The following TRRAP variants were observed in gnomAD, a reference collection of about 807,000 sequenced individuals.
TRRAP encodes transformation/transcription domain associated protein.
Under a neutral mutation model 438.8 loss-of-function variants are expected in TRRAP, and 41 were observed. That is an observed-to-expected ratio of 0.09 (90% CI 0.07 to 0.12). The LOEUF (loss-of-function observed/expected upper bound fraction) is 0.12, where lower values mean the gene tolerates loss of function less well. TRRAP is among the 10% of genes least tolerant of loss of function. TRRAP has a pLI of 1.00. For synonymous variants in TRRAP, 1,994 were observed against 1,962.9 expected, an observed-to-expected ratio of 1.02 and a Z score of -0.42; for missense variants, 3,122 against 5,055.1, an observed-to-expected ratio of 0.62 and a Z score of 11.60.
chr7:98,984,438 G>C, intron 61 of TRRAP, 80 bp downstream of exon 61: 3 of 1,463,518 alleles, frequency 2.0e-6, no homozygotes, highest in Non-Finnish European at 2.7e-6. Flanking sequence ...GGGTCTCCTG[G>C]TTCAGAATAT....
At chr7:98,972,997 T>C (rs1792486352) in intron 53 of TRRAP, among the ~76,000 whole-genome samples, 1 of 152,146 alleles carries the variant, frequency 6.6e-6, no homozygotes, top group South Asian at 2.1e-4. Context: ...TTTGTTTGTG[T>C]GAGACAGGGT....
intron 49 of TRRAP, among the ~76,000 whole-genome samples, chr7:98,966,609 C>A (rs995627736): frequency 1.3e-5 from 2 of 151,918 alleles, no homozygotes; most frequent in South Asian, 2.1e-4. Context: ...CGCTTGAATC[C>A]AGGAGGCAGA....
chr7:98,912,310 T>C, intron 18 of TRRAP, 97 bp downstream of exon 18: 1 of 1,338,102 alleles, frequency 7.5e-7, no homozygotes, highest in South Asian at 1.6e-5. Flanking sequence ...GTCAGCGTTC[T>C]GGACTCAAGC....
chr7:98,879,195 C>T (rs1289042599), intron 1 of TRRAP, among the ~76,000 whole-genome samples: 2 of 152,084 alleles, frequency 1.3e-5, no homozygotes, highest in African/African-American at 2.4e-5. Context: ...GGCCCGGCGC[C>T]AGCCCGGCCT....
At chr7:98,974,136 G>A (rs1300387954) in intron 53 of TRRAP, among the ~76,000 whole-genome samples, 1 of 152,226 alleles carries the variant, frequency 6.6e-6, no homozygotes, top group Non-Finnish European at 1.5e-5. Flanking sequence ...TAATCCCTCA[G>A]GAGGCGAGAT....
chr7:98,899,174 G>A (rs528408698), intron 8 of TRRAP, among the ~76,000 whole-genome samples: 1 of 152,250 alleles, frequency 6.6e-6, no homozygotes, highest in South Asian at 2.1e-4. Context: ...GGTGACAAGA[G>A]CAAGACTCCA....
chr7:98,947,702 C>T (rs1425076070), intron 33 of TRRAP, among the ~76,000 whole-genome samples: 1 of 152,152 alleles, frequency 6.6e-6, no homozygotes, highest in East Asian at 1.9e-4. Context: ...GTGATCCACC[C>T]GCCTCAGCCT....
chr7:98,953,069 G>A (rs573620011), intron 39 of TRRAP, 98 bp from the exon 40 acceptor site: 9 of 1,057,144 alleles, frequency 8.5e-6, no homozygotes, highest in African/African-American at 6.9e-5. Flanking sequence ...GTGTGTGTGT[G>A]TGTGTGTGTG....
intron 32 of TRRAP, 65 bp downstream of exon 32, chr7:98,945,865 T>G: frequency 6.4e-7 from 1 of 1,568,260 alleles, no homozygotes; most frequent in Non-Finnish European, 8.5e-7. Flanking sequence ...ACCTTTTCTT[T>G]TCTTTTCTTT....
At chr7:98,941,873 A>G (rs781887074) in intron 30 of TRRAP, among the ~76,000 whole-genome samples, 1 of 152,222 alleles carries the variant, frequency 6.6e-6, no homozygotes, top group Non-Finnish European at 1.5e-5. Flanking sequence ...CTGTAAGGAC[A>G]TTAAAGGCTC....
chr7:98,892,140 T>C (rs1796008380), intron 4 of TRRAP, among the ~76,000 whole-genome samples: 1 of 152,220 alleles, frequency 6.6e-6, no homozygotes, highest in Admixed American at 6.5e-5. Flanking sequence ...CGTACACCAG[T>C]GTCCGTTGGA....
Position 98,977,017 on chromosome 7 carries a change from T to G in TRRAP, c.8326T>G (p.Cys2776Gly). The change falls in exon 56 of 73, where the codon TGC becomes GGC. Residue 2776 changes from cysteine to glycine, a missense_variant. By Grantham distance (159) the Cys-to-Gly change is radical. This residue lies in a region of TRRAP where 992 missense variants were observed against 1,281.2 expected (regional missense o/e 0.77). Coordinates refer to ENST00000456197, the MANE Select transcript of TRRAP (RefSeq NM_001375524.1). Reference sequence around the variant, plus strand: ...GTGGGCTGGTCTGTGGCAGAAGCGGTGCAAGTACTCGGAGACAGCGACTGC... The same window carrying G: ...GTGGGCTGGTCTGTGGCAGAAGCGGGGCAAGTACTCGGAGACAGCGACTGC... ...DMWAGLWQKR[C>G]KYSETATAIA... is the part of the protein sequence containing the mutation. 2 of 1,614,188 alleles carry G rather than the reference T, an allele frequency of 1.2e-6. No homozygotes were observed. The highest frequency in any genetic ancestry group is 1.1e-5 in the South Asian group (1 of 91,078).
At chr7:98,951,068 T>TGTGTGTGTGG (rs1791314717) in intron 39 of TRRAP, 64 bp downstream of exon 39, 1 of 1,269,916 alleles carries the variant, frequency 7.9e-7, no homozygotes, top group South Asian at 2.8e-5. Flanking sequence ...TCTGTGTGTG[T>TGTGTGTGTGG]GTGTGTGTGT....
rs909817340 is a variant in TRRAP at position 99,011,981 on chromosome 7, C to T, written c.11338-90C>T. 3.2e-5 allele frequency: 49 copies of T among 1,511,398 alleles called. No homozygotes were observed. Among genetic ancestry groups the T allele is most frequent in the Admixed American group, 1.9e-4 (10 of 52,466 alleles). The allele number at this position is 1,511,398 out of a possible 1,614,324, so 93.6% of individuals were successfully genotyped here. A position where few individuals can be genotyped will look rare whatever the true frequency, so the allele number is the denominator to read the frequency against. ...CTGGCCCTTGGTGGCCCTGAGCGGC[C>T]GCTGTGGTTGAGTCCCACCTTGTTA... On this transcript the variant is annotated intron_variant, in intron 72 of 72. Coordinates refer to ENST00000456197, the MANE Select transcript of TRRAP (RefSeq NM_001375524.1). This position sits in a 1 kb window ranked among gnomAD's most constrained non-coding sequence, Gnocchi z 7.1.
intron 67 of TRRAP, among the ~76,000 whole-genome samples, chr7:99,003,024 G>A (rs1794005015): frequency 6.6e-6 from 1 of 152,192 alleles, no homozygotes; most frequent in Admixed American, 6.5e-5. Context: ...AAGCTGGCAT[G>A]TCTCCCGCCA....
chr7:98,946,458 G>A (rs983522629), intron 33 of TRRAP, among the ~76,000 whole-genome samples: 26 of 138,848 alleles, frequency 1.9e-4, no homozygotes, highest in Non-Finnish European at 1.4e-4. Context: ...CACAACACGC[G>A]TGCACACAGA....
intron 58 of TRRAP, among the ~76,000 whole-genome samples, chr7:98,979,947 AG>A (rs1300243133): frequency 6.6e-6 from 1 of 152,124 alleles, no homozygotes. Context: ...GCTTTTTTTC[AG>A]TGGGGAAAAT....
chr7:98,979,744 T>C (rs1004661365), intron 58 of TRRAP, among the ~76,000 whole-genome samples: 1 of 152,222 alleles, frequency 6.6e-6, no homozygotes, highest in South Asian at 2.1e-4. Flanking sequence ...TCTTCTTTCA[T>C]AGATTCTTGA....
In TRRAP at chr7:98,948,652, A is replaced by G; in HGVS notation, c.4755A>G (p.Thr1585=). The part of the protein sequence containing the change: ...QTVELFMMEA[T]LNDPQWSRMF... ...TGGAGCTGTTCATGATGGAAGCCAC[A>G]CTGAACGATCCCCAGTGGAGCAGAA... is the stretch of plus-strand genomic sequence containing the variant. The change falls in exon 35 of 73, where the codon ACA becomes ACG. Residue 1585 remains threonine (T), a synonymous_variant. Transcript: ENST00000456197. This position sits in a 1 kb window ranked among gnomAD's most constrained non-coding sequence, Gnocchi z 4.9. The G allele has an allele frequency of 6.2e-7, 1 of 1,614,198 alleles. No individual in the cohort carries two copies. Among genetic ancestry groups the G allele is most frequent in the Non-Finnish European group, 8.5e-7 (1 of 1,180,046 alleles).
Sources: gnomAD v4.1 joint callset for allele counts (sites outside exome capture counted in the v4.1 genomes callset) on GRCh38, gnomAD v4.1.1 for gene constraint, gnomAD v4.1.1 regional missense constraint, Gnocchi (gnomAD v3.1) non-coding constraint, MANE v1.5 for transcripts, NCBI Gene and HGNC (gene_info 2026-07-23, HGNC 2026-07-21) for gene names.